THRB: variants seen among roughly 807,000 people sequenced by gnomAD.
THRB encodes nuclear receptor subfamily 1 group A member 2.
In THRB, 12 loss-of-function variants were observed where a neutral mutation model predicts 47.8. That is an observed-to-expected ratio of 0.25 (90% CI 0.16 to 0.41). THRB has a LOEUF of 0.41. THRB is among the 10% of genes least tolerant of loss of function. The pLI is 1.00. For missense variants in THRB, 348 were observed against 589.2 expected, an observed-to-expected ratio of 0.59 and a Z score of 4.24; for synonymous variants, 218 against 212.2, an observed-to-expected ratio of 1.03 and a Z score of -0.24.
At chr3:24,289,449 A>AT (rs377617005) in intron 3 of THRB, among the ~76,000 whole-genome samples, 19 of 151,500 alleles carry the variant, frequency 1.3e-4, no homozygotes, top group East Asian at 1.2e-3. Flanking sequence ...ATTGCATTCC[A>AT]TTTTTTTTTC....
intron 1 of THRB, among the ~76,000 whole-genome samples, chr3:24,437,411 G>C (rs1422133028): frequency 6.6e-6 from 1 of 151,958 alleles, no homozygotes; most frequent in African/African-American, 2.4e-5. Flanking sequence ...AGAGAAGTTG[G>C]TTAATGGGTA....
intron 4 of THRB, among the ~76,000 whole-genome samples, chr3:24,224,582 G>C (rs773849461): frequency 3.9e-5 from 6 of 152,058 alleles, no homozygotes; most frequent in Non-Finnish European, 7.4e-5. Context: ...ACACCTGAAG[G>C]TCCACCTTTG....
chr3:24,168,219 A>G (rs549963024), intron 5 of THRB, among the ~76,000 whole-genome samples: 3 of 152,236 alleles, frequency 2.0e-5, no homozygotes, highest in African/African-American at 7.2e-5. Flanking sequence ...TGAATTTGAA[A>G]TATGGCCCCT....
At chr3:24,268,865 T>A (rs1423014611) in intron 3 of THRB, among the ~76,000 whole-genome samples, 1 of 148,602 alleles carries the variant, frequency 6.7e-6, no homozygotes, top group East Asian at 2.0e-4. Flanking sequence ...GCAATATACA[T>A]TATTATATTT....
In THRB at chr3:24,444,562, A is replaced by G. The variant is rs201505140; in HGVS notation, c.-261+50090T>C. Among the ~76,000 whole-genome samples, 49 of 152,354 alleles carry G rather than the reference A, an allele frequency of 3.2e-4. No individual in the cohort carries two copies. The East Asian group carries it at 9.4e-3, about 29-fold the overall frequency. On this transcript the variant is annotated intron_variant, in intron 1 of 10. Coordinates refer to ENST00000646209, the MANE Select transcript of THRB (RefSeq NM_001354712.2). ...TTGTGAAGATGCAAACTTTTCCAAA[A>G]TAATTCATAATTTGCACATAATTCT...
At chr3:24,165,743 C>T (rs1225073088) in intron 5 of THRB, 1 of 179,624 alleles carries the variant, frequency 5.6e-6, no homozygotes, top group Non-Finnish European at 1.2e-5. Flanking sequence ...TACTCTGAAG[C>T]TGCTAAGATG....
chr3:24,483,536 G>A (rs1309444279), intron 1 of THRB, among the ~76,000 whole-genome samples: 2 of 150,828 alleles, frequency 1.3e-5, no homozygotes, highest in African/African-American at 4.9e-5. Flanking sequence ...TGCTGATAAT[G>A]ATATGAGGAT....
At chr3:24,286,811 TGAG>T (rs1010849117) in intron 3 of THRB, among the ~76,000 whole-genome samples, 2 of 152,182 alleles carry the variant, frequency 1.3e-5, no homozygotes, top group African/African-American at 4.8e-5. Flanking sequence ...TTTATTTCTC[TGAG>T]GAGCAAGCAT....
chr3:24,191,962 A>G (rs1445459823), intron 4 of THRB, among the ~76,000 whole-genome samples: 3 of 152,226 alleles, frequency 2.0e-5, no homozygotes, highest in African/African-American at 7.2e-5. Context: ...GATCTTATTC[A>G]GAGAAGAGCT....
At chr3:24,169,174 A>G (rs1391101358) in intron 5 of THRB, among the ~76,000 whole-genome samples, 1 of 152,144 alleles carries the variant, frequency 6.6e-6, no homozygotes, top group African/African-American at 2.4e-5. Context: ...GGCCCCTGAG[A>G]AAAAAACTAT....
chr3:24,181,387 C>T (rs558477521), intron 5 of THRB, among the ~76,000 whole-genome samples: 9 of 152,294 alleles, frequency 5.9e-5, no homozygotes, highest in Admixed American at 1.3e-4. Flanking sequence ...AGCTGGTAAG[C>T]GTCAAAGCCA....
At chr3:24,212,577 CA>C (rs1199010853) in intron 4 of THRB, among the ~76,000 whole-genome samples, 978 of 84,058 alleles carry the variant, frequency 0.012, 9 homozygotes, top group African/African-American at 0.036. Context: ...GACTCCGTCT[CA>C]AAAAAAAAAA....
chr3:24,195,235 G>A (rs2043818963), intron 4 of THRB, among the ~76,000 whole-genome samples: 1 of 152,152 alleles, frequency 6.6e-6, no homozygotes, highest in South Asian at 2.1e-4. Flanking sequence ...CAGGAACTGA[G>A]CTAGACACTT....
chr3:24,202,819 G>A (rs1311950844), intron 4 of THRB, among the ~76,000 whole-genome samples: 1 of 152,164 alleles, frequency 6.6e-6, no homozygotes, highest in African/African-American at 2.4e-5. Context: ...CAAACTTACA[G>A]ATAGTAAATA....
intron 1 of THRB, among the ~76,000 whole-genome samples, chr3:24,393,317 T>A (rs777054450): frequency 6.6e-6 from 1 of 152,168 alleles, no homozygotes; most frequent in Non-Finnish European, 1.5e-5. Context: ...CCAGATCCCA[T>A]CACTCCTTGC....
At chr3:24,373,813 T>A (rs933596469) in intron 1 of THRB, among the ~76,000 whole-genome samples, 1 of 152,156 alleles carries the variant, frequency 6.6e-6, no homozygotes, top group African/African-American at 2.4e-5. Flanking sequence ...AATCGCTAAG[T>A]CTTGGCCAAT....
chr3:24,204,766 A>G (rs2045076545), intron 4 of THRB, among the ~76,000 whole-genome samples: 1 of 152,178 alleles, frequency 6.6e-6, no homozygotes, highest in Non-Finnish European at 1.5e-5. Context: ...AAAAGATTAG[A>G]CGAATGGCTA....
At chr3:24,461,552 T>C (rs1427264990) in intron 1 of THRB, among the ~76,000 whole-genome samples, 2 of 152,236 alleles carry the variant, frequency 1.3e-5, no homozygotes, top group Admixed American at 6.5e-5. Context: ...AATAGAGATG[T>C]GGCTAATTAA....
intron 8 of THRB, among the ~76,000 whole-genome samples, chr3:24,142,007 T>C (rs1022804395): frequency 1.3e-5 from 2 of 152,224 alleles, no homozygotes; most frequent in Non-Finnish European, 1.5e-5. Flanking sequence ...GGGGTGAAGA[T>C]GCAAGATCAA....
Sources: allele counts gnomAD v4.1 joint callset (sites outside exome capture counted in the v4.1 genomes callset), GRCh38; gene constraint gnomAD v4.1.1; transcripts MANE v1.5; gene names NCBI Gene and HGNC (gene_info 2026-07-23, HGNC 2026-07-21).